Variants in SAMTOR observed in about 807,000 individuals in gnomAD.
SAMTOR encodes S-adenosylmethionine sensor upstream of mTORC1.
At chr7:112,923,123 T>C in the SAMTOR span, among the ~76,000 whole-genome samples, 2 of 152,240 alleles carry the variant, frequency 1.3e-5, no homozygotes, top group East Asian at 3.8e-4. Flanking sequence ...TTTCATTTTG[T>C]TCTGTACTAA....
chr7:112,926,230 AGGG>A, the SAMTOR span, among the ~76,000 whole-genome samples: 1 of 152,206 alleles, frequency 6.6e-6, no homozygotes, highest in African/African-American at 2.4e-5. Context: ...GTGAGGACAA[AGGG>A]TGTGCTATGT....
At chr7:112,823,304 G>T in the SAMTOR span, among the ~76,000 whole-genome samples, 1,642 of 152,174 alleles carry the variant, frequency 0.011, 30 homozygotes, top group African/African-American at 0.037. Context: ...TAAGTTGTGA[G>T]GTATTTTTAC....
At chr7:112,933,668 C>T in the SAMTOR span, among the ~76,000 whole-genome samples, 2 of 152,138 alleles carry the variant, frequency 1.3e-5, no homozygotes, top group Non-Finnish European at 2.9e-5. Context: ...CTTTTCTTTG[C>T]AACAGAAAAA....
the SAMTOR span, among the ~76,000 whole-genome samples, chr7:112,856,879 A>G: frequency 1.3e-5 from 2 of 152,180 alleles, no homozygotes; most frequent in Non-Finnish European, 2.9e-5. Context: ...TGAACAAAGG[A>G]ACAGAATACA....
the SAMTOR span, among the ~76,000 whole-genome samples, chr7:112,865,033 T>C: frequency 6.6e-6 from 1 of 152,126 alleles, no homozygotes; most frequent in Non-Finnish European, 1.5e-5. Context: ...GGATTACAGG[T>C]GTGAGCCACC....
At chr7:112,925,478 C>A in the SAMTOR span, among the ~76,000 whole-genome samples, 1 of 152,282 alleles carries the variant, frequency 6.6e-6, no homozygotes, top group African/African-American at 2.4e-5. Context: ...CTTTTCCTTT[C>A]TGCAAGACTT....
chr7:112,917,215 A>AG, the SAMTOR span, among the ~76,000 whole-genome samples: 2 of 152,176 alleles, frequency 1.3e-5, no homozygotes, highest in African/African-American at 4.8e-5. Flanking sequence ...GTAGGGGCAG[A>AG]CTGACACCTC....
At chr7:112,839,432 A>G in the SAMTOR span, among the ~76,000 whole-genome samples, 1 of 151,886 alleles carries the variant, frequency 6.6e-6, no homozygotes, top group African/African-American at 2.4e-5. Flanking sequence ...GTGAAAACAG[A>G]AACTTCACTT....
the SAMTOR span, among the ~76,000 whole-genome samples, chr7:112,839,745 A>G: frequency 6.6e-6 from 1 of 151,946 alleles, no homozygotes; most frequent in Non-Finnish European, 1.5e-5. Flanking sequence ...GTCAATTTTC[A>G]TTATATATAT....
At chr7:112,841,019 G>A in the SAMTOR span, among the ~76,000 whole-genome samples, 1 of 151,974 alleles carries the variant, frequency 6.6e-6, no homozygotes, top group African/African-American at 2.4e-5. Flanking sequence ...CTGAAAACTG[G>A]CACATGACAA....
the SAMTOR span, among the ~76,000 whole-genome samples, chr7:112,897,388 T>C: frequency 1.3e-5 from 2 of 152,188 alleles, no homozygotes; most frequent in Admixed American, 1.3e-4. Flanking sequence ...CTTATGTTTC[T>C]ATCAGGTAGA....
chr7:112,842,672 T>C, the SAMTOR span, among the ~76,000 whole-genome samples: 2 of 152,008 alleles, frequency 1.3e-5, no homozygotes, highest in African/African-American at 4.8e-5. Flanking sequence ...GACAACATAG[T>C]CAACAGTTAT....
the SAMTOR span, among the ~76,000 whole-genome samples, chr7:112,881,342 G>A: frequency 6.6e-6 from 1 of 152,126 alleles, no homozygotes; most frequent in African/African-American, 2.4e-5. Flanking sequence ...TTCAAGCCAG[G>A]GACAGCTTGA....
At chr7:112,881,779 T>C in the SAMTOR span, among the ~76,000 whole-genome samples, 1 of 152,174 alleles carries the variant, frequency 6.6e-6, no homozygotes, top group African/African-American at 2.4e-5. Context: ...AATAAAGCTC[T>C]TCTCCACCTT....
At chr7:112,891,476 A>C in the SAMTOR span, among the ~76,000 whole-genome samples, 1 of 152,228 alleles carries the variant, frequency 6.6e-6, no homozygotes, top group South Asian at 2.1e-4. Context: ...TTCTGTGTCT[A>C]TCAAGAATAT....
chr7:112,937,802 C>G, the SAMTOR span, among the ~76,000 whole-genome samples: 1 of 148,634 alleles, frequency 6.7e-6, no homozygotes, highest in Non-Finnish European at 1.5e-5. Context: ...CTCCATGTAT[C>G]TATTCTAGAT....
chr7:112,868,747 C>T, the SAMTOR span, among the ~76,000 whole-genome samples: 2 of 152,192 alleles, frequency 1.3e-5, no homozygotes, highest in Non-Finnish European at 2.9e-5. Context: ...GAAAAGGCCC[C>T]CACAGCCAGA....
chr7:112,853,204 A>T, the SAMTOR span, among the ~76,000 whole-genome samples: 1 of 152,168 alleles, frequency 6.6e-6, no homozygotes, highest in Non-Finnish European at 1.5e-5. Context: ...TGCATTATTT[A>T]AAAATATTTT....
At chr7:112,866,389 T>C in the SAMTOR span, among the ~76,000 whole-genome samples, 2,361 of 152,324 alleles carry the variant, frequency 0.015, 29 homozygotes, top group Non-Finnish European at 0.024. Context: ...AAGCTTACAA[T>C]GGAATATATT....
Sources: allele counts gnomAD v4.1 joint callset (sites outside exome capture counted in the v4.1 genomes callset), GRCh38; gene constraint gnomAD v4.1.1; transcripts MANE v1.5; gene names NCBI Gene and HGNC (gene_info 2026-07-23, HGNC 2026-07-21).